TICRR: variants seen among roughly 807,000 people sequenced by gnomAD.
TICRR encodes treslin.
TICRR carries 132 observed loss-of-function variants against 178.1 expected under a neutral mutation model. The observed-to-expected ratio is 0.74, with a 90% CI of 0.64 to 0.86. The LOEUF is 0.86. Ranked by LOEUF, TICRR falls within the 40% of genes least tolerant of loss-of-function variation. TICRR has a pLI of 0.00. For missense variants in TICRR, 2,587 were observed against 2,334.3 expected (o/e 1.11, Z -2.23); for synonymous variants, 991 against 900.7 (o/e 1.10, Z -1.79).
Position 89,592,121 on chromosome 15 carries a change from T to C in TICRR, c.1486T>C (p.Trp496Arg). The C allele has an allele frequency of 6.2e-7, 1 of 1,612,622 alleles. No homozygotes were observed. Among genetic ancestry groups the C allele is most frequent in the Non-Finnish European group, 8.5e-7 (1 of 1,178,746 alleles). The change falls in exon 5 of 22, where the codon TGG becomes CGG. Residue 496 changes from tryptophan (W) to arginine (R), a missense_variant. Physicochemically the swap from Trp to Arg is moderately radical, Grantham distance 101. Coordinates refer to ENST00000268138, the MANE Select transcript of TICRR (RefSeq NM_152259.4). ...CTGGAGTCCAGCTGTTGTGGAAAAGTGGTTTCCTTTCTGTAACATCAGTGG... is the reference window on the plus strand; with the variant it reads ...CTGGAGTCCAGCTGTTGTGGAAAAGCGGTTTCCTTTCTGTAACATCAGTGG... ...TPWSPAVVEKWFPFCNISGAS... is the reference protein window; with the variant it reads ...TPWSPAVVEKRFPFCNISGAS...
In TICRR at chr15:89,619,846, A is replaced by T; in HGVS notation, c.3154+4A>T. ...TCTTTCCAGCAAGATAAGTCAGGTAACATACGGGCCCCTCTGCCTTCACAA... is the reference window on the plus strand; with the variant it reads ...TCTTTCCAGCAAGATAAGTCAGGTATCATACGGGCCCCTCTGCCTTCACAA... On this transcript the variant is annotated splice_donor_region_variant and intron_variant, in intron 18 of 21. Transcript: ENST00000268138. The T allele has an allele frequency of 1.2e-6, 2 of 1,606,800 alleles. No homozygotes were observed. The highest frequency in any genetic ancestry group is 1.7e-6 in the Non-Finnish European group (2 of 1,177,826).
intron 17 of TICRR, among the ~76,000 whole-genome samples, 182 bp downstream of exon 17, chr15:89,618,392 G>A (rs184624289): frequency 1.3e-5 from 2 of 152,344 alleles, no homozygotes; most frequent in African/African-American, 4.8e-5. Flanking sequence ...GGTACTGAGA[G>A]AATTCTGGAA....
chr15:89,585,171 C>T (rs1338560196), intron 3 of TICRR, among the ~76,000 whole-genome samples: 1 of 152,192 alleles, frequency 6.6e-6, no homozygotes, highest in Non-Finnish European at 1.5e-5. Context: ...AGTCATTGGA[C>T]AGATGCTGTT....
In TICRR at chr15:89,623,914, C is replaced by T. The variant is rs1567052785; in HGVS notation, c.3604C>T (p.Gln1202Ter). Residue 1202 changes from glutamine (Q) to a stop codon, truncating the protein, a stop_gained, in exon 20 of 22, where the codon CAG (glutamine) becomes TAG (stop). Coordinates refer to ENST00000268138, the MANE Select transcript of TICRR (RefSeq NM_152259.4). LOFTEE classifies it high-confidence loss of function. ...AAGAACTCCTAAGAGGCAAGGTACT[C>T]AGCCGCCTGGGTTTTTGCCAAACTG... ...TPRTPKRQGT[Q>*]PPGFLPNCTW... 6.2e-7 allele frequency: 1 copy of T among 1,614,076 alleles called. No homozygotes were observed. The highest frequency in any genetic ancestry group is 8.5e-7 in the Non-Finnish European group (1 of 1,180,028).
chr15:89,603,954 G>C (rs368094367), intron 13 of TICRR, among the ~76,000 whole-genome samples: 1 of 152,142 alleles, frequency 6.6e-6, no homozygotes, highest in South Asian at 2.1e-4. Context: ...TGAAACCATG[G>C]AAAGTGAAAT....
chr15:89,584,645 C>T (rs1962789745), intron 3 of TICRR, 118 bp downstream of exon 3: 2 of 1,052,016 alleles, frequency 1.9e-6, no homozygotes, highest in African/African-American at 3.3e-5. Context: ...TATGCTTTTG[C>T]AAATAATATT....
At position 89,589,815 on chromosome 15, in the gene TICRR, G is replaced by A. The variant is rs373076746; in HGVS notation, c.1412-2232G>A. ...GGCAGACTTCTCAAAATCTTTGGTA[G>A]TGATAAAAACTAAGACAATCCTGGG... is the stretch of plus-strand genomic sequence containing the variant. On this transcript the variant is annotated intron_variant, in intron 4 of 21. Coordinates refer to ENST00000268138, the MANE Select transcript of TICRR (RefSeq NM_152259.4). Among the ~76,000 whole-genome samples, 4 of 152,156 alleles carry A rather than the reference G, an allele frequency of 2.6e-5. No individual in the cohort carries two copies. In the South Asian group the frequency reaches 6.2e-4, roughly 24 times the overall value.
rs750551622 is a variant in TICRR at position 89,624,779 on chromosome 15, G to A, written c.4469G>A (p.Gly1490Glu). 6.2e-7 allele frequency: 1 copy of A among 1,614,184 alleles called. No homozygotes were observed. Among genetic ancestry groups the A allele is most frequent in the Admixed American group, 1.7e-5 (1 of 60,020 alleles). Residue 1490 changes from glycine to glutamate, a missense_variant, in exon 20 of 22, where the codon GGG becomes GAG. Physicochemically the swap from Gly to Glu is moderately conservative, Grantham distance 98. Transcript: ENST00000268138. The stretch of plus-strand genomic sequence containing the variant: ...GTCTTATCAGTGGAAGAGGGTGAGG[G>A]GCTAAGGACAGCAGATGCTGAGAAG... ...SNVLSVEEGE[G>E]LRTADAEKSS...
At position 89,575,952 on chromosome 15, in the gene TICRR, G is replaced by C. The variant is rs1380977033; in HGVS notation, c.366G>C (p.Thr122=). 6.2e-7 allele frequency: 1 copy of C among 1,601,368 alleles called. No homozygotes were observed. The highest frequency in any genetic ancestry group is 1.1e-5 in the South Asian group (1 of 89,682). Residue 122 remains threonine (T), a synonymous_variant, in exon 1 of 22, where the codon ACG becomes ACC. Coordinates refer to ENST00000268138, the MANE Select transcript of TICRR (RefSeq NM_152259.4). The part of the protein sequence containing the change: ...QWDRPEITSP[T]KPILRSSGRR... ...ACCGGCCCGAGATCACGTCGCCCAC[G>C]AAGCCGATCCTGCGGAGCAGCGGGA...
chr15:89,618,069 G>T (rs1596056604), intron 16 of TICRR, 83 bp from the exon 17 acceptor site: 2 of 1,359,024 alleles, frequency 1.5e-6, no homozygotes, highest in African/African-American at 2.9e-5. Flanking sequence ...TTGTGATCTT[G>T]TTAAGTGAGA....
At chr15:89,580,267 C>G (rs1962700737) in intron 1 of TICRR, 1 of 152,370 alleles carries the variant, frequency 6.6e-6, no homozygotes, top group South Asian at 2.1e-4. Context: ...ATCCACCTGC[C>G]TTGTGGATCA....
At position 89,627,217 on chromosome 15, in the gene TICRR, G is replaced by C; in HGVS notation, c.*131G>C. 1 of 1,129,526 alleles carries C rather than the reference G, an allele frequency of 8.9e-7. No individual in the cohort carries two copies. Among genetic ancestry groups the C allele is most frequent in the Non-Finnish European group, 1.3e-6 (1 of 796,900 alleles). 70.0% of individuals were successfully genotyped at this position (1,129,526 alleles called of 1,614,324 possible). A position where few individuals can be genotyped will look rare whatever the true frequency, so the allele number is the denominator to read the frequency against. ...CAGATTGCCATTAGAATGCCTTAGG[G>C]TTTTCTAATTCCCCTTATGGATCCA... On this transcript the variant is annotated 3_prime_UTR_variant, in exon 22 of 22. Transcript: ENST00000268138.
chr15:89,595,398 G>C lies in TICRR; in HGVS notation c.1687G>C (p.Val563Leu). 6.2e-7 allele frequency: 1 copy of C among 1,613,018 alleles called. No individual in the cohort carries two copies. Among genetic ancestry groups the C allele is most frequent in the Non-Finnish European group, 8.5e-7 (1 of 1,179,134 alleles). Residue 563 changes from valine (V) to leucine (L), a missense_variant, in exon 7 of 22, where the codon GTC (valine) becomes CTC (leucine). Val to Leu is a conservative substitution (Grantham distance 32). Transcript: ENST00000268138. ...HQEDSKKKRG[V>L]PRTPVRQKMN... ...CTCTGATGTTGTTTTGGTAGGAGGGGTCCCTCGTACTCCAGTGAGACAGAA... is the reference window on the plus strand; with the variant it reads ...CTCTGATGTTGTTTTGGTAGGAGGGCTCCCTCGTACTCCAGTGAGACAGAA...
rs1212666656 is a variant in TICRR at position 89,602,890 on chromosome 15, AAAGT to A, written c.2664+5_2664+8del. 2.7e-6 allele frequency: 4 copies of A among 1,505,418 alleles called. No individual in the cohort carries two copies. The highest frequency in any genetic ancestry group is 3.6e-6 in the Non-Finnish European group (4 of 1,124,832). The allele number at this position is 1,505,418 out of a possible 1,614,324, so 93.3% of individuals were successfully genotyped here. ...TAAAGTGTCAAAGAGAGCTACGAAAAAAGTAAGTAAACCTTCCAGCTTGAGATGA... is the reference window on the plus strand; with the variant it reads ...TAAAGTGTCAAAGAGAGCTACGAAAAAAGTAAACCTTCCAGCTTGAGATGA... On this transcript the variant is annotated splice_donor_variant and coding_sequence_variant, in exon 13 of 22. Coordinates refer to ENST00000268138, the MANE Select transcript of TICRR (RefSeq NM_152259.4). LOFTEE classifies it high-confidence loss of function.
At chr15:89,609,848 A>G (rs1279884182) in intron 15 of TICRR, among the ~76,000 whole-genome samples, 1 of 143,584 alleles carries the variant, frequency 7.0e-6, no homozygotes, top group African/African-American at 2.6e-5. Flanking sequence ...CTCTTTTTCT[A>G]CTTTTTTAAG....
At chr15:89,618,344 C>T (rs1322291801) in intron 17 of TICRR, 134 bp downstream of exon 17, 1 of 779,426 alleles carries the variant, frequency 1.3e-6, no homozygotes, top group African/African-American at 1.7e-5. Context: ...CAATGCAGCT[C>T]AGTAAATATT....
At position 89,624,871 on chromosome 15, in the gene TICRR, C is replaced by A; in HGVS notation, c.4561C>A (p.Pro1521Thr). 2 of 1,613,988 alleles carry A rather than the reference C, an allele frequency of 1.2e-6. No individual in the cohort carries two copies. Among genetic ancestry groups the A allele is most frequent in the Non-Finnish European group, 1.7e-6 (2 of 1,179,892 alleles). The change falls in exon 20 of 22, where the codon CCT becomes ACT. Residue 1521 changes from proline to threonine, a missense_variant. Pro to Thr is a conservative substitution (Grantham distance 38, BLOSUM62 -1). Transcript: ENST00000268138. ...CTGTGGGCCTGGCTCTCCTCTGATG[C>A]CTTCCCGTGACGTGCACTGTACCAC... is the stretch of plus-strand genomic sequence containing the variant. The part of the protein sequence containing the change: ...PSCGPGSPLM[P>T]SRDVHCTTDG...
chr15:89,621,270 C>G (rs1237547634), intron 18 of TICRR, 123 bp from the exon 19 acceptor site: 3 of 933,256 alleles, frequency 3.2e-6, no homozygotes, highest in South Asian at 1.8e-5. Flanking sequence ...ATCCACCTGT[C>G]TCGGCCTCCC....
rs571233142 is a variant in TICRR at position 89,592,502 on chromosome 15, A to G, written c.1541+326A>G. Among the ~76,000 whole-genome samples, 7 of 152,330 alleles carry G rather than the reference A, an allele frequency of 4.6e-5. No individual in the cohort carries two copies. The South Asian group carries it at 1.2e-3, about 27-fold the overall frequency. ...TGCAAATAGAAAACAGCAAACTTGA[A>G]TAATGCAGCTGAATTTATACTTAAA... is the stretch of plus-strand genomic sequence containing the variant. On this transcript the variant is annotated intron_variant, in intron 5 of 21. Transcript: ENST00000268138.
Sources: gnomAD v4.1 joint callset for allele counts (sites outside exome capture counted in the v4.1 genomes callset) on GRCh38, gnomAD v4.1.1 for gene constraint, MANE v1.5 for transcripts, NCBI Gene and HGNC (gene_info 2026-07-23, HGNC 2026-07-21) for gene names.